The following ABCB1 variants were observed in gnomAD, a reference collection of about 807,000 sequenced individuals.
ABCB1 encodes the protein ATP binding cassette subfamily B member 1.
In ABCB1, 69 loss-of-function variants were observed where a neutral mutation model predicts 142.0. The observed-to-expected ratio is 0.49, with a 90% CI of 0.40 to 0.59. The LOEUF is 0.59. ABCB1 is among the 20% of genes least tolerant of loss of function. The probability of loss-of-function intolerance (pLI) is 0.00; values close to 1 mark genes in which losing one functional copy is unlikely to be tolerated. For missense variants in ABCB1, 1,326 were observed against 1,554.7 expected, an observed-to-expected ratio of 0.85 and a Z score of 2.47; for synonymous variants, 532 against 539.2, an observed-to-expected ratio of 0.99 and a Z score of 0.18.
chr7:87,610,044 C>T (rs1819794579), intron 1 of ABCB1, among the ~76,000 whole-genome samples: 1 of 152,076 alleles, frequency 6.6e-6, no homozygotes, highest in South Asian at 2.1e-4. Context: ...CAGATGAATT[C>T]TGATTCATAT....
intron 1 of ABCB1, among the ~76,000 whole-genome samples, chr7:87,615,938 C>T (rs964654405): frequency 2.6e-5 from 4 of 152,178 alleles, no homozygotes; most frequent in Non-Finnish European, 2.9e-5. Flanking sequence ...ATTCAGAAGA[C>T]TGAGAAAGCA....
chr7:87,707,668 T>A (rs962757809), intron 1 of ABCB1, among the ~76,000 whole-genome samples: 3 of 151,884 alleles, frequency 2.0e-5, no homozygotes, highest in African/African-American at 7.3e-5. Context: ...AGCAAGACCC[T>A]GTCATAAAAT....
At chr7:87,618,197 T>C (rs777207134) in intron 1 of ABCB1, among the ~76,000 whole-genome samples, 2 of 152,228 alleles carry the variant, frequency 1.3e-5, no homozygotes. Context: ...TTCTTTTATA[T>C]GTTCTTCTCT....
At chr7:87,543,340 G>T (rs28381926) in intron 17 of ABCB1, among the ~76,000 whole-genome samples, 57 of 152,194 alleles carry the variant, frequency 3.7e-4, no homozygotes, top group Admixed American at 2.0e-3. Context: ...AAGCATGAAT[G>T]TCATTAAACA....
rs183577436 is a variant in ABCB1 at position 87,646,480 on chromosome 7, A to T, written c.-330-45402T>A. 2.2e-4 allele frequency among the ~76,000 whole-genome samples: 33 copies of T among 152,230 alleles called. No homozygotes were observed. The East Asian group carries it at 5.0e-3, about 23-fold the overall frequency. ...ATAAGTTTTGGTGTATTTTATGGAGATGCATTACTATCTTAAATGGCATAA... is the reference window on the plus strand; with the variant it reads ...ATAAGTTTTGGTGTATTTTATGGAGTTGCATTACTATCTTAAATGGCATAA... On this transcript the variant is annotated intron_variant, in intron 1 of 28. Coordinates refer to the ABCB1 transcript ENST00000265724.
At chr7:87,620,371 G>T (rs1820181468) in intron 1 of ABCB1, among the ~76,000 whole-genome samples, 1 of 152,080 alleles carries the variant, frequency 6.6e-6, no homozygotes, top group African/African-American at 2.4e-5. Context: ...TGGTGGTCAG[G>T]CTCGTCTCGA....
Position 87,660,677 on chromosome 7 carries a change from A to T in ABCB1, c.-331+52484T>A, listed in dbSNP as rs891671236. 4.6e-5 allele frequency among the ~76,000 whole-genome samples: 7 copies of T among 151,594 alleles called. No individual in the cohort carries two copies. In the East Asian group the frequency reaches 1.4e-3, roughly 29 times the overall value. On this transcript the variant is annotated intron_variant, in intron 1 of 28. Transcript: ENST00000265724. ...CTGTTATATCTTCTTTGGCTCTATT[A>T]TGTTTATGTTGGACTCTTAGCAGAT...
intron 1 of ABCB1, among the ~76,000 whole-genome samples, chr7:87,700,261 A>G (rs902748734): frequency 6.6e-5 from 10 of 152,234 alleles, no homozygotes; most frequent in African/African-American, 2.2e-4. Context: ...AAGATAGAAT[A>G]GGACTAGATT....
At chr7:87,668,566 G>A (rs1825505859) in intron 1 of ABCB1, among the ~76,000 whole-genome samples, 1 of 151,880 alleles carries the variant, frequency 6.6e-6, no homozygotes, top group African/African-American at 2.4e-5. Flanking sequence ...AGTTGTGAAG[G>A]TAGGTTGTTA....
chr7:87,574,732 A>G (rs1048523768), intron 4 of ABCB1, among the ~76,000 whole-genome samples: 1 of 152,192 alleles, frequency 6.6e-6, no homozygotes, highest in Admixed American at 6.5e-5. Context: ...GTATTACATC[A>G]TCTTACCCCT....
At chr7:87,518,210 T>A (rs1815335511) in intron 23 of ABCB1, among the ~76,000 whole-genome samples, 1 of 152,250 alleles carries the variant, frequency 6.6e-6, no homozygotes, top group African/African-American at 2.4e-5. Context: ...TAGCACTAAA[T>A]AAAATACCGA....
chr7:87,614,097 C>T (rs56731648), intron 1 of ABCB1, among the ~76,000 whole-genome samples: 4,632 of 151,648 alleles, frequency 0.031, 69 homozygotes, highest in Middle Eastern at 0.048. Flanking sequence ...CTACTATAAA[C>T]CAAAATAATT....
intron 1 of ABCB1, among the ~76,000 whole-genome samples, chr7:87,688,216 C>T (rs914265736): frequency 2.0e-5 from 3 of 151,862 alleles, no homozygotes; most frequent in African/African-American, 2.4e-5. Flanking sequence ...TCGAAGCATC[C>T]GGGGTTATGT....
chr7:87,545,829 G>T, intron 15 of ABCB1, 34 bp downstream of exon 15: 1 of 1,605,836 alleles, frequency 6.2e-7, no homozygotes, highest in Non-Finnish European at 8.5e-7. Context: ...TTATCACTGA[G>T]ATGACTTAGG....
chr7:87,553,840 T>A lies in ABCB1; in HGVS notation c.920A>T (p.Tyr307Phe), dbSNP rs200676994. Residue 307 changes from tyrosine to phenylalanine, a missense_variant, in exon 9 of 28, where the codon TAT becomes TTT. Tyr to Phe is a conservative substitution (Grantham distance 22). Coordinates refer to ENST00000622132, the MANE Select transcript of ABCB1 (RefSeq NM_001348946.2). ...CCAGAAGGCCAGAGCATAAGATGCATAGATCAGCAGGAAAGCAGCACCTAT... is the reference window on the plus strand; with the variant it reads ...CCAGAAGGCCAGAGCATAAGATGCAAAGATCAGCAGGAAAGCAGCACCTAT... ...ISIGAAFLLI[Y>F]ASYALAFWYG... 6.8e-6 allele frequency: 11 copies of A among 1,613,960 alleles called. No individual in the cohort carries two copies. The highest frequency in any genetic ancestry group is 9.3e-6 in the Non-Finnish European group (11 of 1,179,938).
At chr7:87,674,895 G>A (rs1055247358) in intron 1 of ABCB1, among the ~76,000 whole-genome samples, 14 of 152,166 alleles carry the variant, frequency 9.2e-5, no homozygotes, top group African/African-American at 3.4e-4. Flanking sequence ...GCTCCCACAG[G>A]AGCATGGTAA....
chr7:87,632,109 A>T (rs1313756883), intron 1 of ABCB1, among the ~76,000 whole-genome samples: 1 of 151,912 alleles, frequency 6.6e-6, no homozygotes, highest in African/African-American at 2.4e-5. Flanking sequence ...CCATTTACAA[A>T]ACCAAAAAAA....
At position 87,561,295 on chromosome 7, in the gene ABCB1, A is replaced by G. The variant is rs1817553380; in HGVS notation, c.795T>C (p.Ile265=). 6.2e-7 allele frequency: 1 copy of G among 1,614,080 alleles called. No homozygotes were observed. The highest frequency in any genetic ancestry group is 8.5e-7 in the Non-Finnish European group (1 of 1,179,968). The change falls in exon 8 of 28, where the codon ATT becomes ATC. Residue 265 remains isoleucine, a synonymous_variant. Coordinates refer to ENST00000622132, the MANE Select transcript of ABCB1 (RefSeq NM_001348946.2). ...GTTCTTTCTTTTGTCCTCCAAATGC[A>G]ATCACAGTTCTAATTGCTGCCAAGA... ...EEVLAAIRTV[I]AFGGQKKELE...
rs1446584380 is a variant in ABCB1 at position 87,565,500 on chromosome 7, T to C, written c.702+570A>G. Reference sequence around the variant, plus strand: ...GAGAGAGCTGAAGGCCAAGGATTTATATGCATCCTTAGGGACTAGAAAGTA... The same window carrying C: ...GAGAGAGCTGAAGGCCAAGGATTTACATGCATCCTTAGGGACTAGAAAGTA... On this transcript the variant is annotated intron_variant, in intron 7 of 27. Coordinates refer to ENST00000622132, the MANE Select transcript of ABCB1 (RefSeq NM_001348946.2). 4 of 454,516 alleles carry C rather than the reference T, an allele frequency of 8.8e-6. No homozygotes were observed. The East Asian group carries it at 2.1e-4, about 24-fold the overall frequency. 28.2% of individuals were successfully genotyped at this position (454,516 alleles called of 1,614,324 possible). A position where few individuals can be genotyped will look rare whatever the true frequency, so the allele number is the denominator to read the frequency against.
Sources: allele counts gnomAD v4.1 joint callset (sites outside exome capture counted in the v4.1 genomes callset), GRCh38; gene constraint gnomAD v4.1.1; transcripts MANE v1.5; gene names NCBI Gene and HGNC (gene_info 2026-07-23, HGNC 2026-07-21).